Variants in IMPACT observed in about 807,000 individuals in gnomAD.
IMPACT encodes the protein protein IMPACT.
A neutral mutation model predicts 47.5 loss-of-function variants in IMPACT; 35 were observed. That is an observed-to-expected ratio of 0.74 (90% CI 0.56 to 0.98). IMPACT has a LOEUF of 0.98. IMPACT is among the 50% of genes least tolerant of loss of function. IMPACT has a pLI of 0.00. For missense variants in IMPACT, 373 were observed against 394.8 expected, an observed-to-expected ratio of 0.94 and a Z score of 0.47; for synonymous variants, 118 against 125.6, an observed-to-expected ratio of 0.94 and a Z score of 0.40.
intron 8 of IMPACT, among the ~76,000 whole-genome samples, chr18:24,447,522 A>G (rs1329189892): frequency 1.3e-5 from 2 of 152,214 alleles, no homozygotes; most frequent in African/African-American, 4.8e-5. Flanking sequence ...ATTAGTAACC[A>G]TCCAGAGGAA....
intron 6 of IMPACT, among the ~76,000 whole-genome samples, chr18:24,441,066 G>T (rs1909097703): frequency 6.6e-6 from 1 of 152,106 alleles, no homozygotes. Flanking sequence ...TTTTTTGAGA[G>T]ACAAGGTCTC....
At chr18:24,429,345 G>A (rs1599760482) in intron 3 of IMPACT, among the ~76,000 whole-genome samples, 3 of 152,130 alleles carry the variant, frequency 2.0e-5, no homozygotes, top group Admixed American at 6.5e-5. Flanking sequence ...CCCTTTCCCC[G>A]TTGATGTTGA....
chr18:24,433,488 C>T lies in IMPACT; in HGVS notation c.281+3104C>T, dbSNP rs186278112. 5.5e-3 allele frequency among the ~76,000 whole-genome samples: 824 copies of T among 150,888 alleles called. 1 individual carries two copies. The highest frequency in any genetic ancestry group is 0.019 in the African/African-American group (779 of 41,178). On this transcript the variant is annotated intron_variant, in intron 4 of 10. Transcript: ENST00000284202. ...TGCTGGGATTACAGGCGTGAGCCAC[C>T]GCGCCCGGCCAACTTTTTTTTTTTT...
intron 5 of IMPACT, 71 bp from the exon 6 acceptor site, chr18:24,440,425 C>CCAAGAACCCA (rs1909070326): frequency 1.3e-6 from 2 of 1,525,632 alleles, no homozygotes; most frequent in Admixed American, 1.9e-5. Flanking sequence ...ACCCAAGACC[C>CCAAGAACCCA]AGTGATTTTT....
intron 4 of IMPACT, among the ~76,000 whole-genome samples, chr18:24,432,517 T>G (rs746534488): frequency 6.6e-6 from 1 of 152,164 alleles, no homozygotes; most frequent in Non-Finnish European, 1.5e-5. Flanking sequence ...TATTCCTGCC[T>G]AGAGCAAGTA....
chr18:24,434,776 A>AAATATATATATAT (rs1164402384), intron 4 of IMPACT, among the ~76,000 whole-genome samples: 1 of 114,026 alleles, frequency 8.8e-6, no homozygotes, highest in East Asian at 2.4e-4. Context: ...AAAAAAAAAA[A>AAATATATATATAT]ATATATATAT....
At chr18:24,434,882 G>A (rs1453627805) in intron 4 of IMPACT, among the ~76,000 whole-genome samples, 1 of 91,614 alleles carries the variant, frequency 1.1e-5, no homozygotes, top group Non-Finnish European at 2.0e-5. Flanking sequence ...GTATATATAT[G>A]TGTATATATA....
At chr18:24,429,782 A>ATT (rs34666741) in intron 3 of IMPACT, among the ~76,000 whole-genome samples, 4 of 145,206 alleles carry the variant, frequency 2.8e-5, no homozygotes, top group Non-Finnish European at 4.6e-5. Flanking sequence ...CTTTTAAGAA[A>ATT]TTTTTTTTTT....
chr18:24,438,060 T>C lies in IMPACT; in HGVS notation c.367+20T>C. 1 of 1,080,866 alleles carries C rather than the reference T, an allele frequency of 9.3e-7. No homozygotes were observed. The highest frequency in any genetic ancestry group is 2.2e-5 in the Admixed American group (1 of 45,422). The allele number at this position is 1,080,866 out of a possible 1,614,324, so 67.0% of individuals were successfully genotyped here. On this transcript the variant is annotated intron_variant, in intron 5 of 10. Transcript: ENST00000284202. The stretch of plus-strand genomic sequence containing the variant: ...AACCAGGTAGGATTGAAAAATACTA[T>C]CAATACTCTTTTAACTTATAATAAC...
intron 8 of IMPACT, among the ~76,000 whole-genome samples, chr18:24,447,482 T>C (rs10164002): frequency 0.026 from 3,938 of 152,248 alleles, 174 homozygotes; most frequent in African/African-American, 0.09. Flanking sequence ...CTAGTTTAAA[T>C]GGATAAAAAT....
intron 4 of IMPACT, among the ~76,000 whole-genome samples, chr18:24,434,584 C>G (rs1908854182): frequency 6.6e-6 from 1 of 151,588 alleles, no homozygotes; most frequent in Non-Finnish European, 1.5e-5. Context: ...ACCAGCCTGA[C>G]CAATATGGAG....
At position 24,452,964 on chromosome 18, in the gene IMPACT, A is replaced by G. The variant is rs538330608; in HGVS notation, c.*2117A>G. The G allele has an allele frequency of 6.6e-6, 1 of 152,026 alleles. No homozygotes were observed. Among genetic ancestry groups the G allele is most frequent in the Non-Finnish European group, 1.5e-5 (1 of 68,026 alleles). The allele number at this position is 152,026 out of a possible 1,614,324, so 9.4% of individuals were successfully genotyped here. ...AATTTTTAAAGTTTTTTTTGTAAAGATAGGGTCTTTCTATGTTGCCCAGGC... is the reference window on the plus strand; with the variant it reads ...AATTTTTAAAGTTTTTTTTGTAAAGGTAGGGTCTTTCTATGTTGCCCAGGC... On this transcript the variant is annotated 3_prime_UTR_variant, in exon 11 of 11. Transcript: ENST00000284202.
chr18:24,449,623 C>T (rs937181789), intron 9 of IMPACT, among the ~76,000 whole-genome samples, 196 bp from the exon 10 acceptor site: 2 of 152,126 alleles, frequency 1.3e-5, no homozygotes, highest in South Asian at 4.1e-4. Flanking sequence ...TCCAGATTCC[C>T]TTCTGTTCTT....
intron 4 of IMPACT, among the ~76,000 whole-genome samples, chr18:24,434,032 A>G (rs1297934070): frequency 6.6e-6 from 1 of 152,006 alleles, no homozygotes; most frequent in Non-Finnish European, 1.5e-5. Context: ...CAAGGGGGAA[A>G]TACAGGTTTT....
intron 4 of IMPACT, among the ~76,000 whole-genome samples, chr18:24,434,795 ATGTGTGTGTGTG>A (rs71994854): frequency 3.0e-5 from 2 of 67,618 alleles, no homozygotes; most frequent in African/African-American, 1.1e-4. Context: ...ATATATATAT[ATGTGTGTGTGTG>A]TGTATATATA....
At chr18:24,437,832 AT>A (rs1198136169) in intron 4 of IMPACT, 122 bp from the exon 5 acceptor site, 3 of 604,956 alleles carry the variant, frequency 5.0e-6, no homozygotes, top group Non-Finnish European at 8.8e-6. Context: ...TTTATAAATT[AT>A]TTTAAAAAAG....
chr18:24,442,996 C>T, intron 6 of IMPACT, 53 bp from the exon 7 acceptor site: 1 of 903,992 alleles, frequency 1.1e-6, no homozygotes, highest in Admixed American at 2.3e-5. Flanking sequence ...TCATTTTTTT[C>T]AGTATTTGAA....
chr18:24,426,747 C>T lies in IMPACT; in HGVS notation c.-10C>T, dbSNP rs369080399. 46 of 1,245,350 alleles carry T rather than the reference C, an allele frequency of 3.7e-5. No individual in the cohort carries two copies. In the East Asian group the frequency reaches 1.2e-3, roughly 31 times the overall value. The allele number at this position is 1,245,350 out of a possible 1,614,324, so 77.1% of individuals were successfully genotyped here. A position where few individuals can be genotyped will look rare whatever the true frequency, so the allele number is the denominator to read the frequency against. On this transcript the variant is annotated 5_prime_UTR_variant, in exon 1 of 11. Transcript: ENST00000284202. The stretch of plus-strand genomic sequence containing the variant: ...GCAGGCGGCGGCTGCAGGGCAGGTC[C>T]AGGGGCCACATGGCTGAGGGGGACG...
Position 24,451,974 on chromosome 18 carries a change from A to AGATATAACAATAAGT in IMPACT, c.*1131_*1145dup, listed in dbSNP as rs1909399084. On this transcript the variant is annotated 3_prime_UTR_variant, in exon 11 of 11. Coordinates refer to ENST00000284202, the MANE Select transcript of IMPACT (RefSeq NM_018439.4). ...ATTTAGATAGTGAAATTTACCTTTG[A>AGATATAACAATAAGT]GATATAACAATAAGTGATTAACTGT... is the stretch of plus-strand genomic sequence containing the variant. 6.6e-6 allele frequency: 1 copy of AGATATAACAATAAGT among 151,182 alleles called. No homozygotes were observed. Among genetic ancestry groups the AGATATAACAATAAGT allele is most frequent in the South Asian group, 2.1e-4 (1 of 4,778 alleles). The allele number at this position is 151,182 out of a possible 1,614,324, so 9.4% of individuals were successfully genotyped here. A position where few individuals can be genotyped will look rare whatever the true frequency, so the allele number is the denominator to read the frequency against.
Sources: gnomAD v4.1 joint callset for allele counts (sites outside exome capture counted in the v4.1 genomes callset) on GRCh38, gnomAD v4.1.1 for gene constraint, MANE v1.5 for transcripts, NCBI Gene and HGNC (gene_info 2026-07-23, HGNC 2026-07-21) for gene names.